TBC1D9: variants seen among roughly 807,000 people sequenced by gnomAD.
TBC1D9 encodes TBC1 domain family member 9.
TBC1D9 carries 63 observed loss-of-function variants against 132.0 expected under a neutral mutation model. The observed-to-expected ratio is 0.48, with a 90% CI of 0.39 to 0.59. The LOEUF (loss-of-function observed/expected upper bound fraction) is 0.59, where lower values mean the gene tolerates loss of function less well. TBC1D9 is among the 20% of genes least tolerant of loss of function. The probability of loss-of-function intolerance (pLI) is 0.00; values close to 1 mark genes in which losing one functional copy is unlikely to be tolerated. For synonymous variants in TBC1D9, 610 were observed against 609.9 expected (o/e 1.00, Z 0.00); for missense variants, 1,261 against 1,592.7 (o/e 0.79, Z 3.54).
intron 1 of TBC1D9, among the ~76,000 whole-genome samples, chr4:140,728,510 T>G (rs981397133): frequency 4.6e-5 from 7 of 152,216 alleles, no homozygotes; most frequent in Admixed American, 1.3e-4. Context: ...GTTTTGTTTT[T>G]TTTGAGACAG....
chr4:140,649,507 G>C (rs1168847816), intron 13 of TBC1D9, among the ~76,000 whole-genome samples: 1 of 152,184 alleles, frequency 6.6e-6, no homozygotes, highest in South Asian at 2.1e-4. Flanking sequence ...GGATGACTGG[G>C]TGAGAGAGGG....
In TBC1D9 at chr4:140,622,749, T is replaced by C. The variant is rs1736639574; in HGVS notation, c.3247A>G (p.Ser1083Gly). ...ATGCCCTGGTGGCAGGACGGCCCAC[T>C]GCCTCCGCTCCCGCCCTCCTTTGCA... ...QPAKEGGSGG[S>G]GPSCHQGIPG... is the part of the protein sequence containing the mutation. Residue 1083 changes from serine to glycine, a missense_variant, in exon 21 of 21, where the codon AGT (serine) becomes GGT (glycine). Coordinates refer to ENST00000442267, the MANE Select transcript of TBC1D9 (RefSeq NM_015130.3). The C allele has an allele frequency of 6.2e-7, 1 of 1,606,688 alleles. No individual in the cohort carries two copies. Among genetic ancestry groups the C allele is most frequent in the Non-Finnish European group, 8.5e-7 (1 of 1,179,780 alleles).
chr4:140,677,781 GTCTCCAAAGTCAC>G (rs1367481956), intron 5 of TBC1D9, among the ~76,000 whole-genome samples: 1 of 151,990 alleles, frequency 6.6e-6, no homozygotes, highest in Non-Finnish European at 1.5e-5. Context: ...CTTCCCTTCT[GTCTCCAAAGTCAC>G]CTCCATCCTC....
chr4:140,654,782 T>C lies in TBC1D9; in HGVS notation c.2337+2315A>G, dbSNP rs1179702073. On this transcript the variant is annotated intron_variant, in intron 13 of 20. Coordinates refer to ENST00000442267, the MANE Select transcript of TBC1D9 (RefSeq NM_015130.3). ...GACATCCTTCATGGAAATTAGACAG[T>C]GTGTGCCAATAGCTTGATCATTCTT... Among the ~76,000 whole-genome samples, 3 of 152,168 alleles carry C rather than the reference T, an allele frequency of 2.0e-5. No homozygotes were observed. In the East Asian group the frequency reaches 5.8e-4, roughly 29 times the overall value.
rs938464622 is a variant in TBC1D9, at chr4:140,621,836, C to A, written c.*359G>T. 1 of 167,518 alleles carries A rather than the reference C, an allele frequency of 6.0e-6. No homozygotes were observed. Among genetic ancestry groups the A allele is most frequent in the African/African-American group, 2.4e-5 (1 of 42,092 alleles). The allele number at this position is 167,518 out of a possible 1,614,324, so 10.4% of individuals were successfully genotyped here. A position where few individuals can be genotyped will look rare whatever the true frequency, so the allele number is the denominator to read the frequency against. ...AGCCTGAATACACAAATGACTGCTG[C>A]CTTACTTAGCATTAAACAGTACTAT... On this transcript the variant is annotated 3_prime_UTR_variant, in exon 21 of 21. Coordinates refer to ENST00000442267, the MANE Select transcript of TBC1D9 (RefSeq NM_015130.3).
At position 140,739,757 on chromosome 4, in the gene TBC1D9, A is replaced by T. The variant is rs74797677; in HGVS notation, c.130+16159T>A. The stretch of plus-strand genomic sequence containing the variant: ...GCGGTACATGCCTATAGTCCCAGCT[A>T]CTAGGGAAGCTGAAGTGGGAGGATC... On this transcript the variant is annotated intron_variant, in intron 1 of 20. Coordinates refer to ENST00000442267, the MANE Select transcript of TBC1D9 (RefSeq NM_015130.3). Among the ~76,000 whole-genome samples the T allele has an allele frequency of 7.8e-3, 1,191 of 152,336 alleles. 14 individuals carry two copies. Among genetic ancestry groups the T allele is most frequent in the Middle Eastern group, 0.024 (7 of 294 alleles).
chr4:140,634,047 A>T lies in TBC1D9; in HGVS notation c.2647T>A (p.Cys883Ser). 5 of 1,614,040 alleles carry T rather than the reference A, an allele frequency of 3.1e-6. No homozygotes were observed. Among genetic ancestry groups the T allele is most frequent in the Non-Finnish European group, 4.2e-6 (5 of 1,179,890 alleles). Reference sequence around the variant, plus strand: ...GCCAGAACGTCAGAGTGAGTTCCACATGCCCAAGGAAAGAGAAGAGCAAAC... The same window carrying T: ...GCCAGAACGTCAGAGTGAGTTCCACTTGCCCAAGGAAAGAGAAGAGCAAAC... ...GMFALLFPWA[C>S]GTHSDVLASR... Residue 883 changes from cysteine to serine, a missense_variant, in exon 16 of 21, where the codon TGT becomes AGT. Physicochemically the swap from Cys to Ser is moderately radical, Grantham distance 112. Transcript: ENST00000442267.
chr4:140,622,115 G>A lies in TBC1D9; in HGVS notation c.*80C>T. 6 of 1,480,452 alleles carry A rather than the reference G, an allele frequency of 4.1e-6. No homozygotes were observed. The highest frequency in any genetic ancestry group is 5.4e-6 in the Non-Finnish European group (6 of 1,113,578). 91.7% of individuals were successfully genotyped at this position (1,480,452 alleles called of 1,614,324 possible). A position where few individuals can be genotyped will look rare whatever the true frequency, so the allele number is the denominator to read the frequency against. ...TAATAAATATTTAATTTAAAAGAAA[G>A]AAAGAAAAAACTCAACACAGAAGAA... On this transcript the variant is annotated 3_prime_UTR_variant, in exon 21 of 21. Coordinates refer to ENST00000442267, the MANE Select transcript of TBC1D9 (RefSeq NM_015130.3).
intron 10 of TBC1D9, 92 bp from the exon 11 acceptor site, chr4:140,659,797 G>A: frequency 1.2e-6 from 1 of 858,152 alleles, no homozygotes; most frequent in Non-Finnish European, 1.8e-6. Context: ...TCTCACAAGG[G>A]CTGGCAAACC....
rs762182642 is a variant in TBC1D9, at chr4:140,622,632, C to T, written c.3364G>A (p.Glu1122Lys). 9.3e-6 allele frequency: 15 copies of T among 1,611,946 alleles called. No homozygotes were observed. Among genetic ancestry groups the T allele is most frequent in the African/African-American group, 4.0e-5 (3 of 74,926 alleles). Residue 1122 changes from glutamate (E) to lysine (K), a missense_variant, in exon 21 of 21, where the codon GAG (glutamate) becomes AAG (lysine). Transcript: ENST00000442267. ...ATTTGTCCTCCAAGGGAGTGTTCCTCGCTGTCGGGGGCCAGGCTGGCCGGC... is the reference window on the plus strand; with the variant it reads ...ATTTGTCCTCCAAGGGAGTGTTCCTTGCTGTCGGGGGCCAGGCTGGCCGGC... ...PLPASLAPDS[E>K]EHSLGGQMED... is the part of the protein sequence containing the mutation.
At chr4:140,642,400 C>A (rs1737017518) in intron 13 of TBC1D9, 1 of 855,198 alleles carries the variant, frequency 1.2e-6, no homozygotes. Flanking sequence ...AGGCCGGAGG[C>A]CCTTGGCCAG....
intron 3 of TBC1D9, among the ~76,000 whole-genome samples, chr4:140,685,020 T>C (rs1274901879): frequency 6.6e-6 from 1 of 152,044 alleles, no homozygotes; most frequent in African/African-American, 2.4e-5. Context: ...GAGGGAAGAC[T>C]CTTGCTTATA....
In TBC1D9 at chr4:140,737,315, A is replaced by T. The variant is rs572797584; in HGVS notation, c.130+18601T>A. ...GAAGAGGGACAGCCAGGGCAACATCAGTTCCTAGATTAAGGAAAGACCCTC... is the reference window on the plus strand; with the variant it reads ...GAAGAGGGACAGCCAGGGCAACATCTGTTCCTAGATTAAGGAAAGACCCTC... On this transcript the variant is annotated intron_variant, in intron 1 of 20. Transcript: ENST00000442267. Among the ~76,000 whole-genome samples, 9 of 152,132 alleles carry T rather than the reference A, an allele frequency of 5.9e-5. No homozygotes were observed. The East Asian group carries it at 1.4e-3, about 23-fold the overall frequency.
At chr4:140,631,221 C>T (rs186504143) in intron 16 of TBC1D9, among the ~76,000 whole-genome samples, 1 of 152,154 alleles carries the variant, frequency 6.6e-6, no homozygotes, top group Admixed American at 6.6e-5. Flanking sequence ...GACAGAAACC[C>T]CTCATTTCTT....
chr4:140,643,362 G>A (rs1737041800), intron 13 of TBC1D9: 1 of 1,305,566 alleles, frequency 7.7e-7, no homozygotes, highest in Non-Finnish European at 1.1e-6. Context: ...AGCACCTGGG[G>A]AGGGCAGAGG....
intron 13 of TBC1D9, among the ~76,000 whole-genome samples, chr4:140,651,346 C>T (rs1294344873): frequency 1.3e-5 from 2 of 152,066 alleles, no homozygotes; most frequent in African/African-American, 2.4e-5. Flanking sequence ...ACCTGCAGTA[C>T]CAGCTACTCA....
At chr4:140,703,699 T>C (rs1738107205) in intron 1 of TBC1D9, among the ~76,000 whole-genome samples, 1 of 152,178 alleles carries the variant, frequency 6.6e-6, no homozygotes, top group African/African-American at 2.4e-5. Context: ...GACCATTAGC[T>C]GACCTCAACA....
In TBC1D9 at chr4:140,639,083, C is replaced by T. The variant is rs376780603; in HGVS notation, c.2505+3G>A. The T allele has an allele frequency of 1.3e-6, 2 of 1,584,608 alleles. No homozygotes were observed. The highest frequency in any genetic ancestry group is 1.7e-6 in the Non-Finnish European group (2 of 1,164,016). On this transcript the variant is annotated splice_donor_region_variant and intron_variant, in intron 15 of 20. Coordinates refer to ENST00000442267, the MANE Select transcript of TBC1D9 (RefSeq NM_015130.3). ...ATGGGCATGAATTTACCTTGCAACT[C>T]ACCTTGAAAAGAGCATAAAGTTCTT... is the stretch of plus-strand genomic sequence containing the variant.
At chr4:140,677,199 C>A (rs1287117637) in intron 5 of TBC1D9, 98 bp from the exon 6 acceptor site, 7 of 1,408,438 alleles carry the variant, frequency 5.0e-6, no homozygotes, top group Non-Finnish European at 6.8e-6. Context: ...TCCACCTCCT[C>A]AATCTTGCTA....
Sources: gnomAD v4.1 joint callset for allele counts (sites outside exome capture counted in the v4.1 genomes callset) on GRCh38, gnomAD v4.1.1 for gene constraint, MANE v1.5 for transcripts, NCBI Gene and HGNC (gene_info 2026-07-23, HGNC 2026-07-21) for gene names.